The following PLCH1 variants were observed in gnomAD, a reference collection of about 807,000 sequenced individuals.
The protein encoded by PLCH1 is phospholipase C eta 1.
Under a neutral mutation model 126.7 loss-of-function variants are expected in PLCH1, and 60 were observed. The ratio of observed to expected loss-of-function variants is 0.47; its 90% CI spans 0.38 to 0.59. The LOEUF is 0.59. Ranked by LOEUF, PLCH1 falls within the 20% of genes least tolerant of loss-of-function variation. The pLI is 0.00. For missense variants in PLCH1, 1,723 were observed against 2,040.0 expected, an observed-to-expected ratio of 0.84 and a Z score of 2.99; for synonymous variants, 719 against 734.9, an observed-to-expected ratio of 0.98 and a Z score of 0.35.
intron 8 of PLCH1, among the ~76,000 whole-genome samples, chr3:155,554,712 C>T (rs1726582190): frequency 6.6e-6 from 1 of 152,168 alleles, no homozygotes; most frequent in Non-Finnish European, 1.5e-5. Context: ...ATAACATCAA[C>T]TTCCTAAGTT....
At chr3:155,626,632 G>A (rs1476971027) in intron 2 of PLCH1, among the ~76,000 whole-genome samples, 3 of 151,828 alleles carry the variant, frequency 2.0e-5, no homozygotes, top group Non-Finnish European at 4.4e-5. Context: ...AGCCGGGCGT[G>A]GTGGTGGGCG....
At chr3:155,571,788 A>T (rs946747879) in intron 6 of PLCH1, among the ~76,000 whole-genome samples, 14 of 152,216 alleles carry the variant, frequency 9.2e-5, no homozygotes, top group East Asian at 1.9e-4. Flanking sequence ...ATTAAGTTAG[A>T]TCTTTAACAT....
chr3:155,731,442 A>G (rs1174308353), intron 1 of PLCH1, among the ~76,000 whole-genome samples: 1 of 152,200 alleles, frequency 6.6e-6, no homozygotes, highest in Non-Finnish European at 1.5e-5. Flanking sequence ...AGTGGATCCA[A>G]GCTCCTGGCT....
intron 1 of PLCH1, among the ~76,000 whole-genome samples, chr3:155,732,031 A>G (rs1748812393): frequency 1.3e-5 from 2 of 151,338 alleles, no homozygotes; most frequent in South Asian, 4.2e-4. Context: ...GACACCTCCA[A>G]CTGAACAAAA....
At chr3:155,670,943 G>T (rs1459238331) in intron 2 of PLCH1, among the ~76,000 whole-genome samples, 1 of 152,154 alleles carries the variant, frequency 6.6e-6, no homozygotes, top group Admixed American at 6.5e-5. Flanking sequence ...GGAATATCAG[G>T]CCAACCTGTC....
chr3:155,451,046 TGAC>T (rs1370165972), intron 21 of PLCH1, among the ~76,000 whole-genome samples: 10 of 152,046 alleles, frequency 6.6e-5, no homozygotes, highest in African/African-American at 1.4e-4. Context: ...CCCAAATCTA[TGAC>T]AAGTTGAGTA....
At chr3:155,611,174 G>C (rs899100679) in intron 2 of PLCH1, among the ~76,000 whole-genome samples, 15 of 152,258 alleles carry the variant, frequency 9.9e-5, no homozygotes, top group East Asian at 3.9e-4. Flanking sequence ...CAGATCACCT[G>C]AGGTCAGGAG....
intron 1 of PLCH1, among the ~76,000 whole-genome samples, chr3:155,736,951 C>T (rs1386349161): frequency 2.6e-5 from 4 of 151,722 alleles, no homozygotes; most frequent in African/African-American, 4.8e-5. Flanking sequence ...GTATACAGGC[C>T]GGGCACAGTG....
In PLCH1 at chr3:155,737,231, C is replaced by CAAAA. The variant is rs557369057; in HGVS notation, c.-41+7605_-41+7608dup. Among the ~76,000 whole-genome samples the CAAAA allele has an allele frequency of 1.2e-3, 71 of 59,532 alleles. 4 individuals carry two copies. The highest frequency in any genetic ancestry group is 2.2e-3 in the African/African-American group (39 of 17,450). The allele number at this position is 59,532 out of a possible 152,430, so 39.1% of individuals were successfully genotyped here. A position where few individuals can be genotyped will look rare whatever the true frequency, so the allele number is the denominator to read the frequency against. Reference sequence around the variant, plus strand: ...TGGGTGACAGAGCAAGCCTCCGTCTCAAAAAAAAAAAAAAAAAAGAGTATA... The same window carrying CAAAA: ...TGGGTGACAGAGCAAGCCTCCGTCTCAAAAAAAAAAAAAAAAAAAAAAGAGTATA... On this transcript the variant is annotated intron_variant, in intron 1 of 22. Transcript: ENST00000460012.
intron 2 of PLCH1, among the ~76,000 whole-genome samples, chr3:155,694,794 G>A (rs1377233576): frequency 6.6e-6 from 1 of 152,130 alleles, no homozygotes. Context: ...GAGATTCTTA[G>A]AGGAAAGGCC....
rs965811534 is a variant in PLCH1, at chr3:155,727,075, T to A, written c.-41+17765A>T. Among the ~76,000 whole-genome samples, 7 of 151,932 alleles carry A rather than the reference T, an allele frequency of 4.6e-5. No homozygotes were observed. In the East Asian group the frequency reaches 1.2e-3, roughly 25 times the overall value. On this transcript the variant is annotated intron_variant, in intron 1 of 22. Transcript: ENST00000460012. ...TTGGATTTACCTATTCATAAATTCATTCACTCTCTTATTTTTAATTATTAC... is the reference window on the plus strand; with the variant it reads ...TTGGATTTACCTATTCATAAATTCAATCACTCTCTTATTTTTAATTATTAC...
At chr3:155,643,200 C>T (rs934766397) in intron 2 of PLCH1, among the ~76,000 whole-genome samples, 3 of 152,116 alleles carry the variant, frequency 2.0e-5, no homozygotes, top group Non-Finnish European at 2.9e-5. Context: ...CCACCCACCT[C>T]GGCCTTCCAA....
At chr3:155,477,725 T>C (rs145079308), downstream of PLCH1, among the ~76,000 whole-genome samples, 927 of 152,186 alleles carry the variant, frequency 6.1e-3, 9 homozygotes, top group African/African-American at 0.021. Flanking sequence ...AAAATGGCTT[T>C]TATCCAAAAG....
intron 1 of PLCH1, among the ~76,000 whole-genome samples, chr3:155,705,261 T>G (rs1469330411): frequency 1.3e-5 from 2 of 152,206 alleles, no homozygotes; most frequent in Non-Finnish European, 2.9e-5. Context: ...ATGGAACAAT[T>G]GGTGAAGGCT....
At chr3:155,581,137 G>A (rs1332904897) in intron 6 of PLCH1, among the ~76,000 whole-genome samples, 2 of 152,194 alleles carry the variant, frequency 1.3e-5, no homozygotes, top group Admixed American at 1.3e-4. Context: ...TTAAGAGCTA[G>A]TGGAAATTTA....
chr3:155,638,791 C>T (rs1483938765), intron 2 of PLCH1, among the ~76,000 whole-genome samples: 1 of 152,148 alleles, frequency 6.6e-6, no homozygotes, highest in Non-Finnish European at 1.5e-5. Context: ...TGTCTATTCT[C>T]CTAGTTACTC....
chr3:155,618,617 G>A (rs1736079677), intron 2 of PLCH1, among the ~76,000 whole-genome samples: 1 of 152,100 alleles, frequency 6.6e-6, no homozygotes, highest in South Asian at 2.1e-4. Flanking sequence ...TCATTTTCCA[G>A]CCTATTTACT....
At chr3:155,691,745 C>T (rs1403679365) in intron 2 of PLCH1, among the ~76,000 whole-genome samples, 1 of 152,178 alleles carries the variant, frequency 6.6e-6, no homozygotes, top group Admixed American at 6.5e-5. Context: ...TCTCTCAATT[C>T]CTGCATTTCA....
At chr3:155,723,216 A>G (rs146784761) in intron 1 of PLCH1, among the ~76,000 whole-genome samples, 11 of 151,798 alleles carry the variant, frequency 7.2e-5, no homozygotes, top group Non-Finnish European at 8.8e-5. Flanking sequence ...CTCTCTCCAT[A>G]GCAGCCTTGA....
Sources: allele counts gnomAD v4.1 joint callset (sites outside exome capture counted in the v4.1 genomes callset), GRCh38; gene constraint gnomAD v4.1.1; transcripts MANE v1.5; gene names NCBI Gene and HGNC (gene_info 2026-07-23, HGNC 2026-07-21).